DNAH11: variants seen among roughly 807,000 people sequenced by gnomAD.
DNAH11 encodes dynein axonemal heavy chain 11, also known as axonemal beta dynein heavy chain 11.
Under a neutral mutation model 526.0 loss-of-function variants are expected in DNAH11, and 442 were observed. The observed-to-expected ratio is 0.84, with a 90% CI of 0.78 to 0.91. DNAH11 has a LOEUF of 0.91. Ranked by LOEUF, DNAH11 falls within the 40% of genes least tolerant of loss-of-function variation. The probability of loss-of-function intolerance (pLI) is 0.00; values close to 1 mark genes in which losing one functional copy is unlikely to be tolerated. For synonymous variants in DNAH11, 2,461 were observed against 1,935.9 expected (o/e 1.27, Z -7.12); for missense variants, 6,989 against 5,448.7 (o/e 1.28, Z -8.90).
chr7:21,670,970 A>C (rs1782620034), intron 30 of DNAH11, among the ~76,000 whole-genome samples: 1 of 151,582 alleles, frequency 6.6e-6, no homozygotes, highest in Non-Finnish European at 1.5e-5. Flanking sequence ...ATTTGTCTGT[A>C]ATTTTCTTTT....
chr7:21,623,765 T>C (rs1786194617), intron 25 of DNAH11, among the ~76,000 whole-genome samples: 1 of 140,896 alleles, frequency 7.1e-6, no homozygotes, highest in African/African-American at 2.7e-5. Context: ...AATGGAACAA[T>C]GAGAACACAT....
At position 21,681,555 on chromosome 7, in the gene DNAH11, C is replaced by G. The variant is rs775924844; in HGVS notation, c.5338C>G (p.Leu1780Val). 2.5e-6 allele frequency: 4 copies of G among 1,613,606 alleles called. No individual in the cohort carries two copies. Among genetic ancestry groups the G allele is most frequent in the South Asian group, 2.2e-5 (2 of 91,070 alleles). ...AAATGATTCCTTCTAGATTTCTCAG[C>G]TGAATACACTGATTACACTTTTGCT... is the stretch of plus-strand genomic sequence containing the variant. ...KDFHKKQISQLNTLITLLLGE... is the reference protein window; with the variant it reads ...KDFHKKQISQVNTLITLLLGE... The change falls in exon 31 of 82, where the codon CTG becomes GTG. Residue 1780 changes from leucine (L) to valine (V), a missense_variant. Physicochemically the swap from Leu to Val is conservative, Grantham distance 32 (BLOSUM62 1). Coordinates refer to ENST00000409508, the MANE Select transcript of DNAH11 (RefSeq NM_001277115.2).
At chr7:21,548,365 A>G (rs886320556) in intron 2 of DNAH11, among the ~76,000 whole-genome samples, 9 of 152,194 alleles carry the variant, frequency 5.9e-5, no homozygotes, top group African/African-American at 2.2e-4. Context: ...TGAATATAAT[A>G]GATATAGTTA....
At chr7:21,796,365 C>T (rs920069431) in intron 61 of DNAH11, among the ~76,000 whole-genome samples, 2 of 152,006 alleles carry the variant, frequency 1.3e-5, no homozygotes, top group African/African-American at 4.8e-5. Context: ...AGGGATAAAT[C>T]GATCACATTT....
At chr7:21,798,223 G>A (rs536502992) in intron 61 of DNAH11, among the ~76,000 whole-genome samples, 26 of 152,258 alleles carry the variant, frequency 1.7e-4, no homozygotes, top group African/African-American at 6.0e-4. Context: ...AGCCTCCTGG[G>A]TAGCTGGATT....
chr7:21,739,221 T>C (rs1583646518), intron 47 of DNAH11, among the ~76,000 whole-genome samples: 1 of 152,190 alleles, frequency 6.6e-6, no homozygotes, highest in South Asian at 2.1e-4. Context: ...TTGGGCACTG[T>C]AGTCTGCAAT....
At chr7:21,867,628 A>G (rs2128034773) in intron 71 of DNAH11, among the ~76,000 whole-genome samples, 1 of 152,320 alleles carries the variant, frequency 6.6e-6, no homozygotes, top group Non-Finnish European at 1.5e-5. Flanking sequence ...GTAGCCCCCC[A>G]AAATGGAATG....
intron 61 of DNAH11, among the ~76,000 whole-genome samples, chr7:21,800,171 C>G (rs1015092914): frequency 6.6e-6 from 1 of 152,148 alleles, no homozygotes; most frequent in Admixed American, 6.5e-5. Flanking sequence ...CTTTTACATC[C>G]CTTTCGTCCT....
chr7:21,649,551 G>C (rs1214119061), intron 28 of DNAH11, among the ~76,000 whole-genome samples: 1 of 152,066 alleles, frequency 6.6e-6, no homozygotes, highest in East Asian at 1.9e-4. Flanking sequence ...AGATGCAAAA[G>C]AGTACGTACT....
intron 14 of DNAH11, among the ~76,000 whole-genome samples, chr7:21,595,825 T>C (rs73682647): frequency 0.045 from 6,789 of 150,204 alleles, 497 homozygotes; most frequent in African/African-American, 0.16. Context: ...AGCTAGAGAA[T>C]AGAAGAAAAT....
At chr7:21,615,055 A>C in intron 20 of DNAH11, 59 bp from the exon 21 acceptor site, 1 of 1,511,040 alleles carries the variant, frequency 6.6e-7, no homozygotes, top group Admixed American at 2.3e-5. Flanking sequence ...GAGCTACAGA[A>C]CTGCATGTCT....
chr7:21,725,858 G>A lies in DNAH11; in HGVS notation c.7314G>A (p.Met2438Ile), dbSNP rs1433773317. 3 of 1,611,670 alleles carry A rather than the reference G, an allele frequency of 1.9e-6. No homozygotes were observed. The highest frequency in any genetic ancestry group is 1.1e-5 in the South Asian group (1 of 90,248). The change falls in exon 45 of 82, where the codon ATG becomes ATA. Residue 2438 changes from methionine (M) to isoleucine (I), a missense_variant. Met to Ile is a conservative substitution (Grantham distance 10, BLOSUM62 1). Coordinates refer to ENST00000409508, the MANE Select transcript of DNAH11 (RefSeq NM_001277115.2). ...TCAGTCGGTGGTGGCAGAAAGAGAT[G>A]AAAGCAGTGAAATTTCCGTCGCAGG... ...ADFSRWWQKE[M>I]KAVKFPSQGT...
Position 21,786,694 on chromosome 7 carries a change from T to C in DNAH11, c.9668T>C (p.Met3223Thr). 6.2e-7 allele frequency: 1 copy of C among 1,613,942 alleles called. No homozygotes were observed. The highest frequency in any genetic ancestry group is 8.5e-7 in the Non-Finnish European group (1 of 1,179,816). The change falls in exon 59 of 82, where the codon ATG becomes ACG. Residue 3223 changes from methionine (M) to threonine (T), a missense_variant. Physicochemically the swap from Met to Thr is moderately conservative, Grantham distance 81 (BLOSUM62 -1). Transcript: ENST00000409508. ...IAVTNVTAAV[M>T]VLLAPRGRVP... is the part of the protein sequence containing the mutation. ...GTTACCAATGTTACTGCAGCCGTGATGGTCCTTCTGGCTCCTCGGGGAAGA... is the reference window on the plus strand; with the variant it reads ...GTTACCAATGTTACTGCAGCCGTGACGGTCCTTCTGGCTCCTCGGGGAAGA...
At chr7:21,890,087 C>G (rs996628311) in intron 76 of DNAH11, among the ~76,000 whole-genome samples, 1 of 152,182 alleles carries the variant, frequency 6.6e-6, no homozygotes, top group Non-Finnish European at 1.5e-5. Flanking sequence ...GTGTGCTGAG[C>G]TGTTTGCATA....
chr7:21,578,456 G>A (rs770009276), intron 8 of DNAH11, among the ~76,000 whole-genome samples: 4 of 152,198 alleles, frequency 2.6e-5, no homozygotes, highest in Non-Finnish European at 5.9e-5. Flanking sequence ...CTGTGGCTCT[G>A]CAGGGTACAG....
chr7:21,824,573 A>G (rs1790195240), intron 65 of DNAH11, among the ~76,000 whole-genome samples: 1 of 152,232 alleles, frequency 6.6e-6, no homozygotes, highest in South Asian at 2.1e-4. Flanking sequence ...ATTTCTCCAA[A>G]GAACTACAAA....
intron 54 of DNAH11, among the ~76,000 whole-genome samples, chr7:21,750,668 A>G (rs2128493229): frequency 6.6e-6 from 1 of 152,296 alleles, no homozygotes; most frequent in Middle Eastern, 3.4e-3. Flanking sequence ...TACAGTATAA[A>G]TATAAACAGT....
chr7:21,784,861 A>G (rs1562543869), intron 58 of DNAH11, among the ~76,000 whole-genome samples: 1 of 152,058 alleles, frequency 6.6e-6, no homozygotes. Context: ...CCAATTTTTC[A>G]TATCATGTGT....
At chr7:21,640,894 G>A (rs1562721814) in intron 28 of DNAH11, among the ~76,000 whole-genome samples, 1 of 152,124 alleles carries the variant, frequency 6.6e-6, no homozygotes, top group Non-Finnish European at 1.5e-5. Context: ...GTTTAGGGGT[G>A]TGATCTGTCT....
Sources: gnomAD v4.1 joint callset for allele counts (sites outside exome capture counted in the v4.1 genomes callset) on GRCh38, gnomAD v4.1.1 for gene constraint, MANE v1.5 for transcripts, NCBI Gene and HGNC (gene_info 2026-07-23, HGNC 2026-07-21) for gene names.